VCF2: variants seen among roughly 807,000 people sequenced by gnomAD.
The protein encoded by VCF2 is protein VCF2.
the VCF2 span, among the ~76,000 whole-genome samples, chrX:55,149,180 T>G: frequency 1.8e-5 from 2 of 110,617 alleles, no homozygotes; most frequent in Non-Finnish European, 3.8e-5. Flanking sequence ...GGAGGTTTTT[T>G]TTTTTTTTTT....
the VCF2 span, chrX:55,146,048 A>G: frequency 8.4e-7 from 1 of 1,193,589 alleles, no homozygotes; most frequent in Non-Finnish European, 1.1e-6. Flanking sequence ...GCTTTTATAA[A>G]CACAGTTTAG....
chrX:55,145,613 G>T, the VCF2 span: 1 of 757,117 alleles, frequency 1.3e-6, no homozygotes, highest in African/African-American at 2.3e-5. Context: ...TTGCATATTT[G>T]GGAATACTAA....
At chrX:55,143,761 T>C in the VCF2 span, 4 of 1,110,945 alleles carry the variant, frequency 3.6e-6, no homozygotes, top group Non-Finnish European at 4.9e-6. Context: ...TTCTCCTTCA[T>C]AGCGGAGATA....
the VCF2 span, among the ~76,000 whole-genome samples, chrX:55,149,273 C>T: frequency 9.4e-6 from 1 of 106,829 alleles, no homozygotes; most frequent in African/African-American, 3.4e-5. Flanking sequence ...TTTTAATTTG[C>T]TTAGAAAAAA....
chrX:55,155,939 TTC>T, the VCF2 span, among the ~76,000 whole-genome samples: 257 of 92,825 alleles, frequency 2.8e-3, 1 homozygote, highest in Middle Eastern at 5.2e-3. Context: ...TTTCTTCTTC[TTC>T]TTTTTTTTTT....
At chrX:55,146,195 C>A in the VCF2 span, 1 of 1,211,178 alleles carries the variant, frequency 8.3e-7, no homozygotes, top group East Asian at 3.0e-5. Context: ...CATGCAAGAA[C>A]TGGGGAAAGT....
the VCF2 span, among the ~76,000 whole-genome samples, chrX:55,146,539 A>T: frequency 4.5e-5 from 5 of 112,268 alleles, no homozygotes; most frequent in Admixed American, 3.8e-4. Context: ...GTCCAAAGTC[A>T]TATATCTACG....
At chrX:55,157,330 C>G in the VCF2 span, among the ~76,000 whole-genome samples, 4 of 111,666 alleles carry the variant, frequency 3.6e-5, no homozygotes, top group Admixed American at 2.8e-4. Context: ...GCCAGGAGTT[C>G]GAGAACAGCC....
chrX:55,143,567 C>A, the VCF2 span: 1 of 265,015 alleles, frequency 3.8e-6, no homozygotes, highest in Non-Finnish European at 6.8e-6. Context: ...AAAACACAGG[C>A]GCAAATTCTG....
the VCF2 span, chrX:55,161,085 TG>T: frequency 8.3e-7 from 1 of 1,205,255 alleles, no homozygotes. Context: ...GTGATGACCG[TG>T]GGGACCAGAG....
chrX:55,148,165 G>A, the VCF2 span, among the ~76,000 whole-genome samples: 1 of 109,840 alleles, frequency 9.1e-6, no homozygotes, highest in Non-Finnish European at 1.9e-5. Flanking sequence ...TTTCATCTGA[G>A]TAAACCATTT....
chrX:55,143,780 T>C, the VCF2 span: 1 of 1,188,822 alleles, frequency 8.4e-7, no homozygotes, highest in South Asian at 1.8e-5. Flanking sequence ...TAAGTAGTTT[T>C]AAACAGCTTG....
the VCF2 span, chrX:55,160,836 C>T: frequency 8.7e-7 from 1 of 1,155,943 alleles, no homozygotes; most frequent in Non-Finnish European, 1.1e-6. Context: ...CCACCTCACC[C>T]CCGCCTCCAG....
At chrX:55,147,229 T>C in the VCF2 span, among the ~76,000 whole-genome samples, 1 of 111,750 alleles carries the variant, frequency 8.9e-6, no homozygotes, top group Non-Finnish European at 1.9e-5. Flanking sequence ...AAGGTAACAT[T>C]AGTAAGATTT....
the VCF2 span, among the ~76,000 whole-genome samples, chrX:55,159,778 T>C: frequency 1.8e-5 from 2 of 112,433 alleles, no homozygotes; most frequent in African/African-American, 3.2e-5. Flanking sequence ...CATGAGATTG[T>C]GGCTGATTAC....
At chrX:55,161,020 C>T in the VCF2 span, 1 of 1,170,220 alleles carries the variant, frequency 8.5e-7, no homozygotes, top group Non-Finnish European at 1.1e-6. Flanking sequence ...GAAGAAAATA[C>T]ATATCCGCTG....
At chrX:55,158,051 C>T in the VCF2 span, among the ~76,000 whole-genome samples, 2 of 112,189 alleles carry the variant, frequency 1.8e-5, no homozygotes, top group African/African-American at 6.5e-5. Context: ...AATCCCCCAG[C>T]ACCTAAGAGA....
At chrX:55,160,003 C>T in the VCF2 span, among the ~76,000 whole-genome samples, 3 of 111,774 alleles carry the variant, frequency 2.7e-5, no homozygotes, top group Non-Finnish European at 5.6e-5. Context: ...AATTTCATTA[C>T]TCTTTAATCA....
chrX:55,148,110 TA>T, the VCF2 span, among the ~76,000 whole-genome samples: 1 of 110,593 alleles, frequency 9.0e-6, no homozygotes, highest in Non-Finnish European at 1.9e-5. Flanking sequence ...TTATAGGCTA[TA>T]AAAATAGTTA....
Sources: gnomAD v4.1 joint callset for allele counts (sites outside exome capture counted in the v4.1 genomes callset) on GRCh38, gnomAD v4.1.1 for gene constraint, MANE v1.5 for transcripts, NCBI Gene and HGNC (gene_info 2026-07-23, HGNC 2026-07-21) for gene names.